The following SNTB2 variants were observed in gnomAD, a reference collection of about 807,000 sequenced individuals.
SNTB2 encodes syntrophin beta 2.
A neutral mutation model predicts 46.2 loss-of-function variants in SNTB2; 34 were observed. The ratio of observed to expected loss-of-function variants is 0.74; its 90% CI spans 0.56 to 0.98. The LOEUF (loss-of-function observed/expected upper bound fraction) is 0.98, where lower values mean the gene tolerates loss of function less well. SNTB2 is among the 50% of genes least tolerant of loss of function. SNTB2 has a pLI of 0.00. For missense variants in SNTB2, 603 were observed against 731.4 expected, an observed-to-expected ratio of 0.82 and a Z score of 2.02; for synonymous variants, 290 against 312.6, an observed-to-expected ratio of 0.93 and a Z score of 0.76.
At chr16:69,238,496 T>C (rs775747525) in intron 1 of SNTB2, among the ~76,000 whole-genome samples, 7 of 152,216 alleles carry the variant, frequency 4.6e-5, no homozygotes, top group South Asian at 4.1e-4. Context: ...ACAGTGATCT[T>C]ATCCAGTTTC....
chr16:69,254,270 A>G (rs1488849132), intron 2 of SNTB2, among the ~76,000 whole-genome samples: 1 of 152,142 alleles, frequency 6.6e-6, no homozygotes, highest in Admixed American at 6.6e-5. Context: ...CACGCAGAGT[A>G]AAGCTGCATG....
Position 69,304,537 on chromosome 16 carries a change from T to C in SNTB2, c.*3613T>C, listed in dbSNP as rs1003926647. 3.3e-5 allele frequency: 5 copies of C among 152,592 alleles called. No individual in the cohort carries two copies. The highest frequency in any genetic ancestry group is 9.6e-5 in the African/African-American group (4 of 41,470). The allele number at this position is 152,592 out of a possible 1,614,324, so 9.5% of individuals were successfully genotyped here. A position where few individuals can be genotyped will look rare whatever the true frequency, so the allele number is the denominator to read the frequency against. ...ATATTTTTATAAGTAAAAAAATCTTTCTAAACAACAAATACCTAACATTAT... is the reference window on the plus strand; with the variant it reads ...ATATTTTTATAAGTAAAAAAATCTTCCTAAACAACAAATACCTAACATTAT... On this transcript the variant is annotated 3_prime_UTR_variant, in exon 7 of 7. Transcript: ENST00000336278.
chr16:69,280,539 G>A (rs1443825930), intron 4 of SNTB2, among the ~76,000 whole-genome samples: 1 of 139,366 alleles, frequency 7.2e-6, no homozygotes, highest in African/African-American at 3.3e-5. Context: ...CGGGCGGGGG[G>A]CTCACACCCC....
intron 3 of SNTB2, among the ~76,000 whole-genome samples, chr16:69,260,989 A>G (rs1324666613): frequency 1.3e-5 from 2 of 152,142 alleles, no homozygotes; most frequent in Non-Finnish European, 2.9e-5. Flanking sequence ...AAGGAGAGTA[A>G]AAGTTCCGTG....
At chr16:69,199,632 C>T (rs540907635) in intron 1 of SNTB2, among the ~76,000 whole-genome samples, 1 of 130,738 alleles carries the variant, frequency 7.6e-6, no homozygotes, top group South Asian at 2.2e-4. Flanking sequence ...TTCTCTTAAG[C>T]GCAGATGAAT....
chr16:69,278,736 A>G (rs1055868393), intron 4 of SNTB2, among the ~76,000 whole-genome samples: 10 of 152,214 alleles, frequency 6.6e-5, no homozygotes, highest in South Asian at 2.1e-4. Flanking sequence ...GATTACAGGC[A>G]TGAGCCACCA....
rs1357842090 is a variant in SNTB2 at position 69,306,235 on chromosome 16, G to C, written c.*5311G>C. 5 of 151,838 alleles carry C rather than the reference G, an allele frequency of 3.3e-5. No individual in the cohort carries two copies. Among genetic ancestry groups the C allele is most frequent in the Non-Finnish European group, 7.4e-5 (5 of 67,984 alleles). 9.4% of individuals were successfully genotyped at this position (151,838 alleles called of 1,614,324 possible). On this transcript the variant is annotated 3_prime_UTR_variant, in exon 7 of 7. Transcript: ENST00000336278. ...ATAGAGGACATCTGTTTTTGTTTTTGGTTTTGGTTTTGTTTTTTTTTGTCT... is the reference window on the plus strand; with the variant it reads ...ATAGAGGACATCTGTTTTTGTTTTTCGTTTTGGTTTTGTTTTTTTTTGTCT...
intron 2 of SNTB2, among the ~76,000 whole-genome samples, chr16:69,252,328 G>A (rs1444627429): frequency 1.3e-5 from 2 of 152,138 alleles, no homozygotes; most frequent in Non-Finnish European, 2.9e-5. Context: ...GATGCATCTG[G>A]TAATTATACG....
At chr16:69,259,327 G>A (rs1156477320) in intron 2 of SNTB2, among the ~76,000 whole-genome samples, 1 of 135,872 alleles carries the variant, frequency 7.4e-6, no homozygotes, top group Non-Finnish European at 1.5e-5. Context: ...CCACCTCCCT[G>A]GTTCAGGCAG....
intron 1 of SNTB2, among the ~76,000 whole-genome samples, chr16:69,239,947 G>A (rs1162588750): frequency 6.6e-6 from 1 of 152,086 alleles, no homozygotes; most frequent in Admixed American, 6.6e-5. Flanking sequence ...CCAAGTTACT[G>A]AGTTATAAAT....
At chr16:69,263,108 CT>C (rs35884506) in intron 3 of SNTB2, among the ~76,000 whole-genome samples, 299 of 141,824 alleles carry the variant, frequency 2.1e-3, no homozygotes, top group Admixed American at 2.3e-3. Context: ...TTCCACTCTA[CT>C]TTTTTTTTTT....
chr16:69,187,495 C>G lies in SNTB2; in HGVS notation c.329C>G (p.Ser110Trp). The change falls in exon 1 of 7, where the codon TCG (serine) becomes TGG (tryptophan). Residue 110 changes from serine (S) to tryptophan (W), a missense_variant. By Grantham distance (177) the Ser-to-Trp change is radical. Coordinates refer to ENST00000336278, the MANE Select transcript of SNTB2 (RefSeq NM_006750.4). Reference protein sequence around the residue: ...PRGPAGEAGASPPVRRVRVVK... With the variant: ...PRGPAGEAGAWPPVRRVRVVK... ...GGCCCCGCGGGTGAGGCGGGCGCGT[C>G]GCCGCCCGTGCGCCGGGTGCGGGTG... The G allele has an allele frequency of 8.0e-7, 1 of 1,253,494 alleles. No homozygotes were observed. The allele number at this position is 1,253,494 out of a possible 1,614,324, so 77.6% of individuals were successfully genotyped here. A position where few individuals can be genotyped will look rare whatever the true frequency, so the allele number is the denominator to read the frequency against.
At chr16:69,198,520 A>G (rs1964127895) in intron 1 of SNTB2, among the ~76,000 whole-genome samples, 1 of 152,116 alleles carries the variant, frequency 6.6e-6, no homozygotes, top group African/African-American at 2.4e-5. Flanking sequence ...GTCCATTCTT[A>G]TTCCTCTACC....
intron 1 of SNTB2, among the ~76,000 whole-genome samples, chr16:69,193,743 A>C (rs1964077993): frequency 6.6e-6 from 1 of 152,186 alleles, no homozygotes; most frequent in South Asian, 2.1e-4. Context: ...AACCCATTTA[A>C]ACTAGTTCAG....
intron 1 of SNTB2, among the ~76,000 whole-genome samples, chr16:69,223,798 T>G (rs1387438743): frequency 6.6e-6 from 1 of 152,060 alleles, no homozygotes; most frequent in Non-Finnish European, 1.5e-5. Flanking sequence ...CCGACTAGTT[T>G]TTTGTATTTT....
chr16:69,272,851 C>T (rs1478608361), intron 4 of SNTB2, among the ~76,000 whole-genome samples: 1 of 144,174 alleles, frequency 6.9e-6, no homozygotes, highest in African/African-American at 2.6e-5. Context: ...TATCTCACCA[C>T]TGCACTCCAG....
At chr16:69,203,629 G>C (rs922315251) in intron 1 of SNTB2, among the ~76,000 whole-genome samples, 1 of 152,002 alleles carries the variant, frequency 6.6e-6, no homozygotes, top group African/African-American at 2.4e-5. Flanking sequence ...CTGAGCCACT[G>C]TGTGTGGTTC....
At chr16:69,259,958 A>G in intron 2 of SNTB2, 92 bp from the exon 3 acceptor site, 1 of 954,474 alleles carries the variant, frequency 1.0e-6, no homozygotes, top group African/African-American at 1.6e-5. Flanking sequence ...AGAATGCAAA[A>G]TTAAAATAGA....
At chr16:69,295,230 A>ATTTTTTTTT (rs1160903028) in intron 5 of SNTB2, among the ~76,000 whole-genome samples, 3 of 81,916 alleles carry the variant, frequency 3.7e-5, no homozygotes, top group African/African-American at 5.4e-5. Context: ...AACATACTGA[A>ATTTTTTTTT]TTTTTTTTTT....
Sources: allele counts gnomAD v4.1 joint callset (sites outside exome capture counted in the v4.1 genomes callset), GRCh38; gene constraint gnomAD v4.1.1; transcripts MANE v1.5; gene names NCBI Gene and HGNC (gene_info 2026-07-23, HGNC 2026-07-21).